FCHSD2: variants seen among roughly 807,000 people sequenced by gnomAD.
FCHSD2 encodes F-BAR and double SH3 domains protein 2.
In FCHSD2, 38 loss-of-function variants were observed where a neutral mutation model predicts 108.1. That is an observed-to-expected ratio of 0.35 (90% CI 0.27 to 0.46). The LOEUF (loss-of-function observed/expected upper bound fraction) is 0.46. Among genes scored for constraint, FCHSD2 ranks in the 20% least tolerant of loss-of-function variants. The pLI is 1.00. For synonymous variants in FCHSD2, 279 were observed against 314.7 expected (o/e 0.89, Z 1.20); for missense variants, 751 against 897.8 (o/e 0.84, Z 2.09).
chr11:72,851,481 C>T (rs1042202898), intron 13 of FCHSD2, among the ~76,000 whole-genome samples: 4 of 152,174 alleles, frequency 2.6e-5, no homozygotes, highest in African/African-American at 9.7e-5. Context: ...TGGCTCATTC[C>T]TGTAATCCCA....
chr11:72,906,905 G>C (rs1219868224), intron 9 of FCHSD2, among the ~76,000 whole-genome samples: 2 of 152,098 alleles, frequency 1.3e-5, no homozygotes, highest in African/African-American at 4.8e-5. Flanking sequence ...TTGGCTATGC[G>C]GGCTCTTTTT....
intron 2 of FCHSD2, among the ~76,000 whole-genome samples, chr11:73,124,981 A>C (rs1359251590): frequency 6.6e-6 from 1 of 152,218 alleles, no homozygotes; most frequent in Non-Finnish European, 1.5e-5. Flanking sequence ...TCTCATCAGA[A>C]ATAATGAAAG....
intron 4 of FCHSD2, among the ~76,000 whole-genome samples, chr11:73,008,445 T>C (rs1345491024): frequency 2.0e-5 from 3 of 152,140 alleles, no homozygotes; most frequent in Admixed American, 6.5e-5. Flanking sequence ...ATGGTTGTTA[T>C]TGGTAGTAGA....
At chr11:73,057,920 C>T (rs1237299793) in intron 3 of FCHSD2, among the ~76,000 whole-genome samples, 1 of 151,210 alleles carries the variant, frequency 6.6e-6, no homozygotes, top group Admixed American at 6.6e-5. Flanking sequence ...CGCTCTGTCG[C>T]CCAGGCTGGA....
chr11:72,951,266 C>CA (rs1238044988), intron 8 of FCHSD2, among the ~76,000 whole-genome samples: 1 of 152,014 alleles, frequency 6.6e-6, no homozygotes, highest in Admixed American at 6.6e-5. Flanking sequence ...ATTGCTGTAA[C>CA]AAAAAAACTA....
At chr11:73,126,151 C>G (rs1384231351) in intron 2 of FCHSD2, among the ~76,000 whole-genome samples, 2 of 151,448 alleles carry the variant, frequency 1.3e-5, no homozygotes, top group African/African-American at 4.9e-5. Flanking sequence ...ACCAGGCTGG[C>G]CAACATGGTG....
At chr11:73,091,656 G>A (rs929503757) in intron 2 of FCHSD2, among the ~76,000 whole-genome samples, 1 of 152,226 alleles carries the variant, frequency 6.6e-6, no homozygotes, top group Non-Finnish European at 1.5e-5. Flanking sequence ...AAAAGGACCA[G>A]TAGGCTCATG....
chr11:72,854,575 G>A (rs1259490607), intron 13 of FCHSD2, among the ~76,000 whole-genome samples: 1 of 152,146 alleles, frequency 6.6e-6, no homozygotes, highest in Non-Finnish European at 1.5e-5. Context: ...GGGACTACAG[G>A]AACATGCCAC....
At chr11:73,099,402 A>G (rs1278784580) in intron 2 of FCHSD2, among the ~76,000 whole-genome samples, 4 of 152,232 alleles carry the variant, frequency 2.6e-5, no homozygotes, top group Non-Finnish European at 5.9e-5. Flanking sequence ...CAGTTCCTCA[A>G]AAAGTTAAAC....
At chr11:72,873,283 C>T (rs910345021) in intron 12 of FCHSD2, among the ~76,000 whole-genome samples, 5 of 151,292 alleles carry the variant, frequency 3.3e-5, no homozygotes, top group East Asian at 1.9e-4. Flanking sequence ...GAACCGAGAT[C>T]GCGCCACTGC....
intron 2 of FCHSD2, among the ~76,000 whole-genome samples, chr11:73,098,869 G>A (rs1860151998): frequency 6.6e-6 from 1 of 152,134 alleles, no homozygotes; most frequent in Non-Finnish European, 1.5e-5. Flanking sequence ...ATTCCTAGAT[G>A]GGAAACCAAA....
intron 5 of FCHSD2, among the ~76,000 whole-genome samples, 164 bp downstream of exon 5, chr11:73,000,826 T>C (rs541612099): frequency 2.3e-4 from 35 of 152,304 alleles, no homozygotes; most frequent in African/African-American, 7.9e-4. Flanking sequence ...TAATAAAACA[T>C]AGTACTTAAT....
At chr11:73,090,282 G>A (rs187471323) in intron 2 of FCHSD2, among the ~76,000 whole-genome samples, 9 of 129,088 alleles carry the variant, frequency 7.0e-5, no homozygotes, top group African/African-American at 2.7e-4. Flanking sequence ...CTGGAGTGCA[G>A]TGGCGGGATC....
intron 12 of FCHSD2, among the ~76,000 whole-genome samples, chr11:72,883,973 A>C (rs1009936006): frequency 3.3e-5 from 5 of 151,938 alleles, no homozygotes; most frequent in Non-Finnish European, 5.9e-5. Flanking sequence ...GGTCATAATA[A>C]TACCCAAGAA....
At chr11:72,859,400 T>C (rs2135187311) in intron 13 of FCHSD2, among the ~76,000 whole-genome samples, 1 of 152,360 alleles carries the variant, frequency 6.6e-6, no homozygotes, top group South Asian at 2.1e-4. Context: ...ACGGTGCTTG[T>C]GTTCAAGTAG....
At chr11:72,966,903 T>A (rs886628178) in intron 8 of FCHSD2, among the ~76,000 whole-genome samples, 1 of 151,972 alleles carries the variant, frequency 6.6e-6, no homozygotes, top group South Asian at 2.1e-4. Flanking sequence ...ACCCTGATTA[T>A]GAGTTAAGAA....
chr11:72,913,309 C>T lies in FCHSD2; in HGVS notation c.828+8519G>A, dbSNP rs537483012. ...TTTGAGACAGAGTCTCAGTCTGTTG[C>T]CCAGGATGAAGTGCAGCAGTGCAAT... On this transcript the variant is annotated intron_variant, in intron 9 of 19. Coordinates refer to ENST00000409418, the MANE Select transcript of FCHSD2 (RefSeq NM_014824.3). Among the ~76,000 whole-genome samples, 7 of 152,212 alleles carry T rather than the reference C, an allele frequency of 4.6e-5. No individual in the cohort carries two copies. In the South Asian group the frequency reaches 8.3e-4, roughly 18 times the overall value.
intron 8 of FCHSD2, among the ~76,000 whole-genome samples, chr11:72,969,579 C>T (rs1856972358): frequency 1.3e-5 from 2 of 152,020 alleles, no homozygotes; most frequent in South Asian, 2.1e-4. Flanking sequence ...CTTTAAGACA[C>T]CACAGAATAC....
chr11:72,910,518 C>T (rs765968379), intron 9 of FCHSD2, among the ~76,000 whole-genome samples: 1 of 152,144 alleles, frequency 6.6e-6, no homozygotes, highest in Non-Finnish European at 1.5e-5. Context: ...TAATCTATAA[C>T]CTTACCCCCA....
Sources: allele counts gnomAD v4.1 joint callset (sites outside exome capture counted in the v4.1 genomes callset), GRCh38; gene constraint gnomAD v4.1.1; transcripts MANE v1.5; gene names NCBI Gene and HGNC (gene_info 2026-07-23, HGNC 2026-07-21).